ABCA3: variants seen among roughly 807,000 people sequenced by gnomAD.
ABCA3 encodes the protein ATP binding cassette subfamily A member 3.
ABCA3 carries 88 observed loss-of-function variants against 172.8 expected under a neutral mutation model. The observed-to-expected ratio is 0.51, with a 90% confidence interval of 0.43 to 0.61. The LOEUF (loss-of-function observed/expected upper bound fraction) is 0.61, where lower values mean the gene tolerates loss of function less well. Ranked by LOEUF, ABCA3 falls within the 20% of genes least tolerant of loss-of-function variation. The pLI, the probability that ABCA3 is intolerant of heterozygous loss-of-function variation, is 0.00. For synonymous variants in ABCA3, 1,066 were observed against 983.8 expected, an observed-to-expected ratio of 1.08 and a Z score of -1.56; for missense variants, 2,164 against 2,301.0, an observed-to-expected ratio of 0.94 and a Z score of 1.22.
At chr16:2,280,679 G>GA (rs1403539606) in intron 28 of ABCA3, among the ~76,000 whole-genome samples, 3 of 151,872 alleles carry the variant, frequency 2.0e-5, no homozygotes, top group Non-Finnish European at 2.9e-5. Context: ...AAAGCTGGGC[G>GA]GGCCCAGGGC....
rs1165064577 is a variant in ABCA3, at chr16:2,277,557, GC to G, written c.4983+39del. Reference sequence around the variant, plus strand: ...GAGACCCCTGGAGGGACCTCCCCCTGCCCCATGAGTGCCCAGTGGGGCCCCA... The same window carrying G: ...GAGACCCCTGGAGGGACCTCCCCCTGCCCATGAGTGCCCAGTGGGGCCCCA... On this transcript the variant is annotated intron_variant, in intron 32 of 32. Transcript: ENST00000301732. This position sits in a 1 kb window ranked among gnomAD's most constrained non-coding sequence, Gnocchi z 5.3. 6.2e-7 allele frequency: 1 copy of G among 1,607,010 alleles called. No individual in the cohort carries two copies. Among genetic ancestry groups the G allele is most frequent in the Non-Finnish European group, 8.5e-7 (1 of 1,175,508 alleles).
chr16:2,295,118 T>A (rs2093677672), intron 18 of ABCA3, among the ~76,000 whole-genome samples: 1 of 152,114 alleles, frequency 6.6e-6, no homozygotes, highest in South Asian at 2.1e-4. Context: ...TGATAGATAG[T>A]GTCATGGAAC....
chr16:2,326,137 C>T lies in ABCA3; in HGVS notation c.192G>A (p.Glu64=). 6.2e-7 allele frequency: 1 copy of T among 1,614,162 alleles called. No homozygotes were observed. The highest frequency in any genetic ancestry group is 1.1e-5 in the South Asian group (1 of 91,090). ...GAGGGAAGGTGAAGAACAGAGGCAG[C>T]TCCTGGATGGACTGGCCCGGGTAGA... The part of the protein sequence containing the change: ...ATIYPGQSIQ[E]LPLFFTFPPP... Residue 64 remains glutamate (E), a synonymous_variant, in exon 5 of 33, where the codon GAG becomes GAA. Transcript: ENST00000301732.
intron 10 of ABCA3, among the ~76,000 whole-genome samples, chr16:2,315,287 G>T (rs11867129): frequency 0.13 from 19,740 of 150,744 alleles, 1,769 homozygotes; most frequent in East Asian, 0.38. Context: ...ATTGAAATTC[G>T]AACCGAAGAC....
intron 5 of ABCA3, among the ~76,000 whole-genome samples, chr16:2,325,400 G>A (rs555544560): frequency 2.0e-5 from 3 of 152,222 alleles, no homozygotes; most frequent in South Asian, 4.2e-4. Flanking sequence ...ACAGGTGGGC[G>A]GCCAGCCCTG....
chr16:2,317,463 C>T, intron 9 of ABCA3, 60 bp from the exon 10 acceptor site: 2 of 1,608,760 alleles, frequency 1.2e-6, no homozygotes, highest in Non-Finnish European at 1.7e-6. Context: ...CAGGAGGACT[C>T]CTGACCATCC....
At chr16:2,280,905 G>A (rs2093653920) in intron 28 of ABCA3, 122 bp downstream of exon 28, 2 of 1,304,914 alleles carry the variant, frequency 1.5e-6, no homozygotes. Flanking sequence ...CATGTGCTGG[G>A]CCCATTTCAA....
chr16:2,330,887 G>A (rs1325520767), intron 1 of ABCA3, among the ~76,000 whole-genome samples: 1 of 151,554 alleles, frequency 6.6e-6, no homozygotes, highest in Non-Finnish European at 1.5e-5. Flanking sequence ...TTTTTCAGTA[G>A]ACACAGGGTT....
At chr16:2,292,062 A>C in intron 19 of ABCA3, 78 bp downstream of exon 19, 1 of 1,148,616 alleles carries the variant, frequency 8.7e-7, no homozygotes, top group Non-Finnish European at 1.3e-6. Flanking sequence ...AACTAGAGTG[A>C]AACTCCATCT....
chr16:2,303,897 C>A (rs2093693463), intron 12 of ABCA3, 72 bp downstream of exon 12: 1 of 1,564,204 alleles, frequency 6.4e-7, no homozygotes, highest in Non-Finnish European at 8.8e-7. Flanking sequence ...TCAGAGGGGT[C>A]CCTGAGCAGG....
chr16:2,305,645 G>A lies in ABCA3; in HGVS notation c.1286-1495C>T, dbSNP rs534431395. 2.6e-5 allele frequency among the ~76,000 whole-genome samples: 4 copies of A among 152,244 alleles called. No homozygotes were observed. The East Asian group carries it at 7.7e-4, about 29-fold the overall frequency. ...GGGTTTCGCCATGTTGGCCAGGTGGGTCTTGAACTCCTGACCTCGAGTAAT... is the reference window on the plus strand; with the variant it reads ...GGGTTTCGCCATGTTGGCCAGGTGGATCTTGAACTCCTGACCTCGAGTAAT... On this transcript the variant is annotated intron_variant, in intron 11 of 32. Coordinates refer to ENST00000301732, the MANE Select transcript of ABCA3 (RefSeq NM_001089.3).
rs1381779391 is a variant in ABCA3 at position 2,278,910 on chromosome 16, A to C, written c.4547+33T>G. On this transcript the variant is annotated intron_variant, in intron 29 of 32. Transcript: ENST00000301732. This position sits in a 1 kb window ranked among gnomAD's most constrained non-coding sequence, Gnocchi z 4.4. ...CTATGGGGACCTTGATTCTGACTCCACTCTGGGAAGGGCCAGGGCTCGGGA... is the reference window on the plus strand; with the variant it reads ...CTATGGGGACCTTGATTCTGACTCCCCTCTGGGAAGGGCCAGGGCTCGGGA... The C allele has an allele frequency of 1.2e-6, 2 of 1,612,508 alleles. No homozygotes were observed. Among genetic ancestry groups the C allele is most frequent in the Non-Finnish European group, 8.5e-7 (1 of 1,179,940 alleles).
chr16:2,302,482 T>C (rs1368463117), intron 12 of ABCA3, among the ~76,000 whole-genome samples: 2 of 151,900 alleles, frequency 1.3e-5, no homozygotes, highest in Non-Finnish European at 2.9e-5. Context: ...TTTTTTACAA[T>C]ATGATTCTTT....
At chr16:2,338,984 GAACTC>G (rs758442629) in intron 1 of ABCA3, among the ~76,000 whole-genome samples, 7 of 152,000 alleles carry the variant, frequency 4.6e-5, no homozygotes, top group Non-Finnish European at 8.8e-5. Flanking sequence ...TCGAACTCCT[GAACTC>G]AAGTGATCCG....
chr16:2,316,490 CAAAAAAAAAAA>C (rs71148128), intron 10 of ABCA3, among the ~76,000 whole-genome samples: 59 of 28,864 alleles, frequency 2.0e-3, no homozygotes, highest in African/African-American at 4.0e-3. Context: ...ACTAAAAATG[CAAAAAAAAAAA>C]AAAAAAAAAA....
rs879340378 is a variant in ABCA3, at chr16:2,283,655, G to T, written c.3863-297C>A. 5 of 431,386 alleles carry T rather than the reference G, an allele frequency of 1.2e-5. No individual in the cohort carries two copies. In the Admixed American group the frequency reaches 1.8e-4, roughly 16 times the overall value. 26.7% of individuals were successfully genotyped at this position (431,386 alleles called of 1,614,324 possible). A position where few individuals can be genotyped will look rare whatever the true frequency, so the allele number is the denominator to read the frequency against. On this transcript the variant is annotated intron_variant, in intron 25 of 32. Coordinates refer to ENST00000301732, the MANE Select transcript of ABCA3 (RefSeq NM_001089.3). This position sits in a 1 kb window ranked among gnomAD's most constrained non-coding sequence, Gnocchi z 5.4. ...GAATCCTGGGCTGCCTCCTGACCAGGACAGAGACCGTTACAAGCACCGAGG... is the reference window on the plus strand; with the variant it reads ...GAATCCTGGGCTGCCTCCTGACCAGTACAGAGACCGTTACAAGCACCGAGG...
chr16:2,285,509 G>A lies in ABCA3; in HGVS notation c.3416C>T (p.Ala1139Val). Residue 1139 changes from alanine to valine, a missense_variant, in exon 23 of 33, where the codon GCC (alanine) becomes GTC (valine). Ala to Val is a moderately conservative substitution (Grantham distance 64). This residue lies in a region of ABCA3 where 795 missense variants were observed against 881.9 expected (regional missense o/e 0.90). Coordinates refer to ENST00000301732, the MANE Select transcript of ABCA3 (RefSeq NM_001089.3). This position sits in a 1 kb window ranked among gnomAD's most constrained non-coding sequence, Gnocchi z 4.7. Reference protein sequence around the residue: ...HVQFVSGVHVASFWLSALLWD... With the variant: ...HVQFVSGVHVVSFWLSALLWD... ...CAGCAGAGCAGAGAGCCAGAAACTGGCCACGTGGACTCCACTCACAAACTG... is the reference window on the plus strand; with the variant it reads ...CAGCAGAGCAGAGAGCCAGAAACTGACCACGTGGACTCCACTCACAAACTG... 6.2e-7 allele frequency: 1 copy of A among 1,609,676 alleles called. No homozygotes were observed. Among genetic ancestry groups the A allele is most frequent in the African/African-American group, 1.3e-5 (1 of 75,004 alleles).
chr16:2,332,619 G>A, intron 1 of ABCA3: 1 of 1,589,254 alleles, frequency 6.3e-7, no homozygotes, highest in Non-Finnish European at 8.6e-7. Flanking sequence ...ACTGTAGCGT[G>A]GGCGGCTCAA....
chr16:2,312,431 C>A (rs561502857), intron 10 of ABCA3, among the ~76,000 whole-genome samples: 3 of 151,912 alleles, frequency 2.0e-5, no homozygotes, highest in African/African-American at 7.2e-5. Context: ...CATTTCGTCA[C>A]ACAGAATACT....
Sources: allele counts gnomAD v4.1 joint callset (sites outside exome capture counted in the v4.1 genomes callset), GRCh38; gene constraint gnomAD v4.1.1; regional missense constraint gnomAD v4.1.1; non-coding constraint Gnocchi (gnomAD v3.1); transcripts MANE v1.5; gene names NCBI Gene and HGNC (gene_info 2026-07-23, HGNC 2026-07-21).